Variants in TMEM63A observed in about 807,000 individuals in gnomAD.
The protein encoded by TMEM63A is mechanosensitive cation channel TMEM63A.
Under a neutral mutation model 100.6 loss-of-function variants are expected in TMEM63A, and 76 were observed. The ratio of observed to expected loss-of-function variants is 0.76; its 90% confidence interval spans 0.63 to 0.91. The LOEUF is 0.91. Among genes scored for constraint, TMEM63A ranks in the 40% least tolerant of loss-of-function variants. TMEM63A has a pLI of 0.00. For synonymous variants in TMEM63A, 401 were observed against 401.1 expected, an observed-to-expected ratio of 1.00 and a Z score of 0.00; for missense variants, 876 against 1,008.8, an observed-to-expected ratio of 0.87 and a Z score of 1.78.
chr1:225,862,205 T>C lies in TMEM63A; in HGVS notation c.1085+13A>G, dbSNP rs765648859. On this transcript the variant is annotated intron_variant, in intron 13 of 24. Coordinates refer to ENST00000366835, the MANE Select transcript of TMEM63A (RefSeq NM_014698.3). The surrounding 1 kb of genome is among the most constrained non-coding windows in gnomAD (Gnocchi z 5.1). The stretch of plus-strand genomic sequence containing the variant: ...AGTCAGCCAAGAAGGGGTCTGGATG[T>C]GCCTACACTCACTAGGTGGCCATGG... The C allele has an allele frequency of 1.9e-6, 3 of 1,613,348 alleles. No homozygotes were observed. The highest frequency in any genetic ancestry group is 2.2e-5 in the East Asian group (1 of 44,872).
Position 225,862,886 on chromosome 1 carries a change from G to A in TMEM63A, c.747-35C>T, listed in dbSNP as rs74150537. ...GGGAGAGAAGGAGGCAAAAGACACCGTTGGAAAAGAAAACACCCCAAGCAG... is the reference window on the plus strand; with the variant it reads ...GGGAGAGAAGGAGGCAAAAGACACCATTGGAAAAGAAAACACCCCAAGCAG... On this transcript the variant is annotated intron_variant, in intron 10 of 24. Coordinates refer to ENST00000366835, the MANE Select transcript of TMEM63A (RefSeq NM_014698.3). This position sits in a 1 kb window ranked among gnomAD's most constrained non-coding sequence, Gnocchi z 5.1. 6.7e-3 allele frequency: 10,803 copies of A among 1,603,138 alleles called. 615 individuals are homozygous for A. The African/African-American group carries it at 0.13, about 19-fold the overall frequency.
Position 225,865,733 on chromosome 1 carries a change from G to A in TMEM63A, c.746+164C>T, listed in dbSNP as rs1267215308. ...CAGCACCAGCAGGGCTGGCACACAG[G>A]AGCCACTCCATACACGTGTGGCAGG... On this transcript the variant is annotated intron_variant, in intron 10 of 24. Coordinates refer to ENST00000366835, the MANE Select transcript of TMEM63A (RefSeq NM_014698.3). The surrounding 1 kb of genome is among the most constrained non-coding windows in gnomAD (Gnocchi z 4.6). 3 of 665,630 alleles carry A rather than the reference G, an allele frequency of 4.5e-6. No individual in the cohort carries two copies. Among genetic ancestry groups the A allele is most frequent in the Non-Finnish European group, 7.7e-6 (3 of 387,882 alleles). The allele number at this position is 665,630 out of a possible 1,614,324, so 41.2% of individuals were successfully genotyped here.
At chr1:225,868,884 A>G (rs1670351512) in intron 6 of TMEM63A, among the ~76,000 whole-genome samples, 1 of 151,922 alleles carries the variant, frequency 6.6e-6, no homozygotes, top group African/African-American at 2.4e-5. Context: ...TTGGAGTGCT[A>G]CACTTGGAGG....
rs1669068695 is a variant in TMEM63A at position 225,847,388 on chromosome 1, C to G, written c.2251-175G>C. On this transcript the variant is annotated intron_variant, in intron 23 of 24. Coordinates refer to ENST00000366835, the MANE Select transcript of TMEM63A (RefSeq NM_014698.3). The stretch of plus-strand genomic sequence containing the variant: ...GAAAATATGACACCTGCAGAATTTC[C>G]TAGCAGCCAGGGCAAAAGAGAAAGC... 5.6e-6 allele frequency: 4 copies of G among 720,444 alleles called. No homozygotes were observed. The South Asian group carries it at 6.4e-5, about 12-fold the overall frequency. 44.6% of individuals were successfully genotyped at this position (720,444 alleles called of 1,614,324 possible).
At chr1:225,871,170 T>C in intron 5 of TMEM63A, 57 bp from the exon 6 acceptor site, 5 of 1,561,014 alleles carry the variant, frequency 3.2e-6, no homozygotes, top group Non-Finnish European at 4.4e-6. Flanking sequence ...GAGAGGCAGA[T>C]GTAACCATTG....
At chr1:225,845,080 C>A, downstream of TMEM63A, 2 of 1,574,120 alleles carry the variant, frequency 1.3e-6, no homozygotes, top group Non-Finnish European at 1.7e-6. Flanking sequence ...CTTTAACCCC[C>A]TGCTGTGCAG....
At chr1:225,858,553 G>C (rs1669766094) in intron 15 of TMEM63A, among the ~76,000 whole-genome samples, 1 of 152,098 alleles carries the variant, frequency 6.6e-6, no homozygotes, top group South Asian at 2.1e-4. Flanking sequence ...TCGAACTCCT[G>C]ACCTCAGGTG....
intron 23 of TMEM63A, 76 bp downstream of exon 23, chr1:225,848,416 G>C: frequency 3.4e-6 from 5 of 1,468,346 alleles, no homozygotes; most frequent in Non-Finnish European, 4.7e-6. Context: ...ATTTGCCGGG[G>C]CCCATCTGGT....
intron 9 of TMEM63A, 41 bp downstream of exon 9, chr1:225,866,533 A>T: frequency 8.8e-6 from 14 of 1,583,334 alleles, no homozygotes; most frequent in Non-Finnish European, 1.2e-5. Context: ...CTCCCACCTG[A>T]GTCCCTCCCA....
intron 15 of TMEM63A, among the ~76,000 whole-genome samples, chr1:225,858,418 C>G (rs1465412413): frequency 6.6e-6 from 1 of 150,596 alleles, no homozygotes; most frequent in South Asian, 2.1e-4. Context: ...CTCCACCTCC[C>G]GGTTCAAGCG....
Position 225,865,601 on chromosome 1 carries a change from C to T in TMEM63A, c.746+296G>A. 1 of 319,938 alleles carries T rather than the reference C, an allele frequency of 3.1e-6. No individual in the cohort carries two copies. Among genetic ancestry groups the T allele is most frequent in the South Asian group, 5.5e-5 (1 of 18,332 alleles). The allele number at this position is 319,938 out of a possible 1,614,324, so 19.8% of individuals were successfully genotyped here. Reference sequence around the variant, plus strand: ...ACCCCGGGGTCAACAATTTTTTCCCCCGTATGCTCTCAAGACGTTTATTCG... The same window carrying T: ...ACCCCGGGGTCAACAATTTTTTCCCTCGTATGCTCTCAAGACGTTTATTCG... On this transcript the variant is annotated intron_variant, in intron 10 of 24. Coordinates refer to ENST00000366835, the MANE Select transcript of TMEM63A (RefSeq NM_014698.3). This position sits in a 1 kb window ranked among gnomAD's most constrained non-coding sequence, Gnocchi z 4.6.
At chr1:225,861,526 CT>C in intron 13 of TMEM63A, 1 of 154,044 alleles carries the variant, frequency 6.5e-6, no homozygotes, top group Non-Finnish European at 1.4e-5. Context: ...CCTCAGATGC[CT>C]TCCCCTTTCC....
In TMEM63A at chr1:225,860,987, C is replaced by G; in HGVS notation, c.1096G>C (p.Asp366His). 6.2e-7 allele frequency: 1 copy of G among 1,610,472 alleles called. No individual in the cohort carries two copies. The highest frequency in any genetic ancestry group is 8.5e-7 in the Non-Finnish European group (1 of 1,178,310). ...CTCTGACACTTGCAGGCATTGAAAT[C>G]TTTCAGGATGCTGCAAGGAAATGTA... The part of the protein sequence containing the change: ...EKSMATYILK[D>H]FNACKCQSLQ... The change falls in exon 14 of 25, where the codon GAT (aspartate) becomes CAT (histidine). Residue 366 changes from aspartate (D) to histidine (H), a missense_variant. Physicochemically the swap from Asp to His is moderately conservative, Grantham distance 81. This residue lies in a region of TMEM63A where 487 missense variants were observed against 581.9 expected (regional missense o/e 0.84). Coordinates refer to ENST00000366835, the MANE Select transcript of TMEM63A (RefSeq NM_014698.3).
chr1:225,845,381 C>T (rs201119273), downstream of TMEM63A: 122 of 1,542,698 alleles, frequency 7.9e-5, no homozygotes, highest in Admixed American at 6.2e-4. Context: ...CACCTCCCCC[C>T]ACAAGTGCCC....
Position 225,856,899 on chromosome 1 carries a change from C to CCGGGCACTCA in TMEM63A, c.1484+2_1484+11dup. On this transcript the variant is annotated intron_variant, in intron 16 of 24. Transcript: ENST00000366835. ...TCTTAGGGGCAGGGCCTCGGGGCTC[C>CCGGGCACTCA]CGGGCACTCACTTGGTCCAGTGAGA... The CCGGGCACTCA allele has an allele frequency of 1.2e-6, 2 of 1,609,628 alleles. No individual in the cohort carries two copies. Among genetic ancestry groups the CCGGGCACTCA allele is most frequent in the Non-Finnish European group, 1.7e-6 (2 of 1,178,444 alleles).
intron 4 of TMEM63A, among the ~76,000 whole-genome samples, chr1:225,872,802 C>A (rs1223039603): frequency 1.4e-5 from 2 of 147,746 alleles, no homozygotes; most frequent in Non-Finnish European, 3.0e-5. Flanking sequence ...TCAAGCAATT[C>A]TCTGCCTCAG....
At position 225,855,941 on chromosome 1, in the gene TMEM63A, C is replaced by T; in HGVS notation, c.1572-1G>A. On this transcript the variant is annotated splice_acceptor_variant, in intron 17 of 24. Transcript: ENST00000366835. LOFTEE classifies it high-confidence loss of function. ...GAGCCACCGGAAGAAAAAATCTAGA[C>T]TGAAAAACAAAGGAACCCCCTAAGA... 6.2e-7 allele frequency: 1 copy of T among 1,613,974 alleles called. No homozygotes were observed. Among genetic ancestry groups the T allele is most frequent in the Non-Finnish European group, 8.5e-7 (1 of 1,179,944 alleles).
chr1:225,858,948 ATGTGTGTGTG>A (rs57543496), intron 15 of TMEM63A, among the ~76,000 whole-genome samples: 11,606 of 139,528 alleles, frequency 0.083, 490 homozygotes, highest in Middle Eastern at 0.11. Context: ...TATACATATA[ATGTGTGTGTG>A]TGTGTGTGTG....
At chr1:225,878,923 C>T (rs1324531817) in intron 2 of TMEM63A, among the ~76,000 whole-genome samples, 1 of 146,992 alleles carries the variant, frequency 6.8e-6, no homozygotes, top group Non-Finnish European at 1.5e-5. Flanking sequence ...CACACACACA[C>T]GAAGCACAGG....
Sources: allele counts gnomAD v4.1 joint callset (sites outside exome capture counted in the v4.1 genomes callset), GRCh38; gene constraint gnomAD v4.1.1; regional missense constraint gnomAD v4.1.1; non-coding constraint Gnocchi (gnomAD v3.1); transcripts MANE v1.5; gene names NCBI Gene and HGNC (gene_info 2026-07-23, HGNC 2026-07-21).